ZNF462: variants seen among roughly 807,000 people sequenced by gnomAD.
ZNF462 encodes the protein zinc finger PBX1-interacting protein.
A neutral mutation model predicts 201.9 loss-of-function variants in ZNF462; 10 were observed. The ratio of observed to expected loss-of-function variants is 0.05; its 90% CI spans 0.03 to 0.08. ZNF462 has a LOEUF of 0.08. Among genes scored for constraint, ZNF462 ranks in the 10% least tolerant of loss-of-function variants. The pLI is 1.00. For synonymous variants in ZNF462, 1,227 were observed against 1,193.3 expected, an observed-to-expected ratio of 1.03 and a Z score of -0.58; for missense variants, 2,523 against 3,168.3, an observed-to-expected ratio of 0.80 and a Z score of 4.89.
intron 1 of ZNF462, among the ~76,000 whole-genome samples, chr9:106,875,210 A>C (rs1228679370): frequency 1.3e-5 from 2 of 152,028 alleles, no homozygotes; most frequent in Non-Finnish European, 2.9e-5. Context: ...CTTAGTAGAA[A>C]GGTCGTGGCA....
Position 106,919,422 on chromosome 9 carries a change from G to T in ZNF462, c.-30-3932G>T, listed in dbSNP as rs764917596. Among the ~76,000 whole-genome samples, 7 of 152,194 alleles carry T rather than the reference G, an allele frequency of 4.6e-5. No homozygotes were observed. The highest frequency in any genetic ancestry group is 1.0e-4 in the Non-Finnish European group (7 of 68,036). On this transcript the variant is annotated intron_variant, in intron 1 of 12. Coordinates refer to ENST00000277225, the MANE Select transcript of ZNF462 (RefSeq NM_021224.6). The surrounding 1 kb of genome is among the most constrained non-coding windows in gnomAD (Gnocchi z 4.5). ...GGAATTCTGAGCACAGAAAGTAGGT[G>T]GGCAGGTGGTATAAATTAAAATTGG...
chr9:106,983,312 C>G (rs1466745411), intron 9 of ZNF462, among the ~76,000 whole-genome samples: 2 of 152,154 alleles, frequency 1.3e-5, no homozygotes, highest in African/African-American at 4.8e-5. Flanking sequence ...CTCTGACAAT[C>G]AGATTACAGA....
intron 1 of ZNF462, among the ~76,000 whole-genome samples, chr9:106,868,971 A>G (rs1355888357): frequency 6.6e-6 from 1 of 152,102 alleles, no homozygotes; most frequent in Non-Finnish European, 1.5e-5. Flanking sequence ...TTCATGTGAC[A>G]TTCAGTAAAG....
intron 1 of ZNF462, among the ~76,000 whole-genome samples, chr9:106,867,380 A>G (rs977743915): frequency 2.0e-5 from 3 of 152,184 alleles, no homozygotes; most frequent in Admixed American, 2.0e-4. Context: ...CCATGGCTCT[A>G]ATATATCACA....
intron 6 of ZNF462, among the ~76,000 whole-genome samples, chr9:106,936,280 C>T (rs150926890): frequency 2.3e-3 from 350 of 152,072 alleles, no homozygotes; most frequent in Non-Finnish European, 3.7e-3. Flanking sequence ...GTGCACTAGG[C>T]GTGTTATATG....
chr9:106,934,158 C>G (rs1830533984), intron 5 of ZNF462, among the ~76,000 whole-genome samples: 1 of 151,892 alleles, frequency 6.6e-6, no homozygotes, highest in Admixed American at 6.6e-5. Context: ...TAAGGTATGG[C>G]CCCATTATTA....
At chr9:106,979,829 G>A (rs930170713) in intron 9 of ZNF462, among the ~76,000 whole-genome samples, 1 of 152,140 alleles carries the variant, frequency 6.6e-6, no homozygotes, top group African/African-American at 2.4e-5. Flanking sequence ...ATGAAACACA[G>A]TTTTGCCACA....
intron 10 of ZNF462, among the ~76,000 whole-genome samples, chr9:106,986,425 T>C (rs1156713729): frequency 6.6e-6 from 1 of 152,186 alleles, no homozygotes; most frequent in Non-Finnish European, 1.5e-5. Flanking sequence ...TCTCAGAAGT[T>C]TTGTAAGATT....
rs1564102031 is a variant in ZNF462, at chr9:106,924,500, A to G, written c.588A>G (p.Pro196=). The change falls in exon 3 of 13, where the codon CCA becomes CCG. Residue 196 remains proline (P), a synonymous_variant. Transcript: ENST00000277225. This position sits in a 1 kb window ranked among gnomAD's most constrained non-coding sequence, Gnocchi z 6.2. The stretch of plus-strand genomic sequence containing the variant: ...ATTTGAAGGAGACCACTGCTCCCCC[A>G]CCTGCTCCTGCTCCAATGCCAGACC... ...KNNLKETTAP[P]PAPAPMPDPV... 3.1e-6 allele frequency: 5 copies of G among 1,614,126 alleles called. No individual in the cohort carries two copies. The highest frequency in any genetic ancestry group is 1.1e-5 in the South Asian group (1 of 91,058).
intron 1 of ZNF462, among the ~76,000 whole-genome samples, chr9:106,897,073 G>A (rs940830036): frequency 6.6e-6 from 1 of 152,068 alleles, no homozygotes; most frequent in Non-Finnish European, 1.5e-5. Context: ...TCCAACTTGT[G>A]AAACCCACAT....
At chr9:107,000,227 C>T (rs1415116765) in intron 10 of ZNF462, among the ~76,000 whole-genome samples, 1 of 151,732 alleles carries the variant, frequency 6.6e-6, no homozygotes, top group East Asian at 1.9e-4. Flanking sequence ...AAGGGGGAGC[C>T]TAGAGAAGAT....
At chr9:106,948,834 G>T (rs913088494) in intron 7 of ZNF462, among the ~76,000 whole-genome samples, 2 of 151,342 alleles carry the variant, frequency 1.3e-5, no homozygotes, top group African/African-American at 4.8e-5. Flanking sequence ...AGTACTTAAA[G>T]GTTTCAAATA....
chr9:106,908,122 CCTCCACGGGCA>C (rs1829351907), intron 1 of ZNF462, among the ~76,000 whole-genome samples: 1 of 151,952 alleles, frequency 6.6e-6, no homozygotes, highest in Admixed American at 6.6e-5. Context: ...CTTCTATAAA[CCTCCACGGGCA>C]CTTGAAAACT....
At position 106,919,398 on chromosome 9, in the gene ZNF462, G is replaced by C. The variant is rs1457034716; in HGVS notation, c.-30-3956G>C. Among the ~76,000 whole-genome samples, 1 of 152,170 alleles carries C rather than the reference G, an allele frequency of 6.6e-6. No homozygotes were observed. The highest frequency in any genetic ancestry group is 1.5e-5 in the Non-Finnish European group (1 of 68,024). ...GAAAACTGAGGCAAATGGATCTCTG[G>C]AATTCTGAGCACAGAAAGTAGGTGG... On this transcript the variant is annotated intron_variant, in intron 1 of 12. Coordinates refer to ENST00000277225, the MANE Select transcript of ZNF462 (RefSeq NM_021224.6). The surrounding 1 kb of genome is among the most constrained non-coding windows in gnomAD (Gnocchi z 4.5).
At position 106,928,765 on chromosome 9, in the gene ZNF462, C is replaced by A. The variant is rs771415035; in HGVS notation, c.4853C>A (p.Pro1618His). ...FSQSPPKLPVPLEPEMTTEVS... is the reference protein window; with the variant it reads ...FSQSPPKLPVHLEPEMTTEVS... ...CAGTCGCCCCCGAAGCTGCCAGTCCCCCTCGAGCCCGAGATGACCACTGAA... is the reference window on the plus strand; with the variant it reads ...CAGTCGCCCCCGAAGCTGCCAGTCCACCTCGAGCCCGAGATGACCACTGAA... The change falls in exon 3 of 13, where the codon CCC (proline) becomes CAC (histidine). Residue 1618 changes from proline to histidine, a missense_variant. This residue lies in a region of ZNF462 where 200 missense variants were observed against 281.3 expected (regional missense o/e 0.71). Transcript: ENST00000277225. The surrounding 1 kb of genome is among the most constrained non-coding windows in gnomAD (Gnocchi z 9.3). 6.2e-7 allele frequency: 1 copy of A among 1,614,092 alleles called. No individual in the cohort carries two copies. The highest frequency in any genetic ancestry group is 1.1e-5 in the South Asian group (1 of 91,072).
Position 106,927,723 on chromosome 9 carries a change from T to C in ZNF462, c.3811T>C (p.Ser1271Pro), listed in dbSNP as rs1460042012. ...CCGAGCACTCAAATGTAGGCAGTGC[T>C]CATATACCTCCCCCTACTTCTATGC... is the stretch of plus-strand genomic sequence containing the variant. ...KLRALKCRQC[S>P]YTSPYFYALR... Residue 1271 changes from serine (S) to proline (P), a missense_variant, in exon 3 of 13, where the codon TCA becomes CCA. By Grantham distance (74) the Ser-to-Pro change is moderately conservative. This residue lies in a region of ZNF462 where 222 missense variants were observed against 271.6 expected (regional missense o/e 0.82). Coordinates refer to ENST00000277225, the MANE Select transcript of ZNF462 (RefSeq NM_021224.6). 12 of 1,614,056 alleles carry C rather than the reference T, an allele frequency of 7.4e-6. No individual in the cohort carries two copies.
intron 10 of ZNF462, among the ~76,000 whole-genome samples, chr9:106,996,490 T>C (rs956516848): frequency 1.3e-5 from 2 of 152,174 alleles, no homozygotes; most frequent in African/African-American, 2.4e-5. Context: ...TTCCTGACTT[T>C]TTAATGATCG....
Position 106,935,720 on chromosome 9 carries a change from A to G in ZNF462, c.6235+99A>G. On this transcript the variant is annotated intron_variant, in intron 6 of 12. Coordinates refer to ENST00000277225, the MANE Select transcript of ZNF462 (RefSeq NM_021224.6). The surrounding 1 kb of genome is among the most constrained non-coding windows in gnomAD (Gnocchi z 4.1). ...GAAATACTGTCCTGCCTTACACTTG[A>G]GAATGTTATTCTTGGGATGGATGTA... The G allele has an allele frequency of 1.1e-6, 1 of 885,172 alleles. No homozygotes were observed. The highest frequency in any genetic ancestry group is 1.9e-5 in the South Asian group (1 of 51,314). 54.8% of individuals were successfully genotyped at this position (885,172 alleles called of 1,614,324 possible). A position where few individuals can be genotyped will look rare whatever the true frequency, so the allele number is the denominator to read the frequency against.
At position 106,927,011 on chromosome 9, in the gene ZNF462, T is replaced by G; in HGVS notation, c.3099T>G (p.Asp1033Glu). ...ACACTGTTGTTGTTTATGATTGTGA[T>G]GTTTGTTCGTTTGCAAGCCCCAACA... ...LVNTVVVYDC[D>E]VCSFASPNMH... The change falls in exon 3 of 13, where the codon GAT becomes GAG. Residue 1033 changes from aspartate (D) to glutamate (E), a missense_variant. Asp to Glu is a conservative substitution (Grantham distance 45). Around this residue, in one of 15 missense-constraint regions of ZNF462, gnomAD observed 280 missense variants for 321.3 expected, o/e 0.87. Coordinates refer to ENST00000277225, the MANE Select transcript of ZNF462 (RefSeq NM_021224.6). 1 of 1,614,204 alleles carries G rather than the reference T, an allele frequency of 6.2e-7. No homozygotes were observed. Among genetic ancestry groups the G allele is most frequent in the Non-Finnish European group, 8.5e-7 (1 of 1,180,036 alleles).
Sources: allele counts gnomAD v4.1 joint callset (sites outside exome capture counted in the v4.1 genomes callset), GRCh38; gene constraint gnomAD v4.1.1; regional missense constraint gnomAD v4.1.1; non-coding constraint Gnocchi (gnomAD v3.1); transcripts MANE v1.5; gene names NCBI Gene and HGNC (gene_info 2026-07-23, HGNC 2026-07-21).